The following POU2F1 variants were observed in gnomAD, a reference collection of about 807,000 sequenced individuals.
POU2F1 encodes the protein POU domain, class 2, transcription factor 1.
A neutral mutation model predicts 84.9 loss-of-function variants in POU2F1; 16 were observed. The ratio of observed to expected loss-of-function variants is 0.19; its 90% CI spans 0.13 to 0.29. The LOEUF (loss-of-function observed/expected upper bound fraction) is 0.29, where lower values mean the gene tolerates loss of function less well. Ranked by LOEUF, POU2F1 falls within the 10% of genes least tolerant of loss-of-function variation. The pLI is 1.00. For missense variants in POU2F1, 738 were observed against 942.6 expected (o/e 0.78, Z 2.84); for synonymous variants, 368 against 368.3 (o/e 1.00, Z 0.01).
chr1:167,350,416 G>A (rs188258015), intron 2 of POU2F1, among the ~76,000 whole-genome samples: 15 of 152,140 alleles, frequency 9.9e-5, no homozygotes, highest in East Asian at 3.9e-4. Flanking sequence ...CTATTTTGTC[G>A]TCTGTGTGAT....
At chr1:167,272,128 A>G (rs1269517748) in intron 1 of POU2F1, among the ~76,000 whole-genome samples, 2 of 152,202 alleles carry the variant, frequency 1.3e-5, no homozygotes, top group South Asian at 2.1e-4. Flanking sequence ...CCACAGAAAT[A>G]AAAGAATGTC....
At chr1:167,236,736 G>C (rs1649485127) in intron 1 of POU2F1, among the ~76,000 whole-genome samples, 1 of 152,196 alleles carries the variant, frequency 6.6e-6, no homozygotes, top group Non-Finnish European at 1.5e-5. Context: ...GATGGTTGCA[G>C]AGTCTGGGCA....
At chr1:167,299,364 A>G (rs1310652479) in intron 1 of POU2F1, among the ~76,000 whole-genome samples, 2 of 152,088 alleles carry the variant, frequency 1.3e-5, no homozygotes, top group Non-Finnish European at 2.9e-5. Flanking sequence ...AAAATGTATG[A>G]CTCAAACTTC....
intron 13 of POU2F1, among the ~76,000 whole-genome samples, chr1:167,408,559 A>G (rs1238625485): frequency 1.3e-5 from 2 of 152,242 alleles, no homozygotes; most frequent in East Asian, 1.9e-4. Flanking sequence ...TCGTGCTACA[A>G]TGTGGATGAA....
At chr1:167,403,323 A>T (rs1649337779) in intron 13 of POU2F1, among the ~76,000 whole-genome samples, 1 of 152,226 alleles carries the variant, frequency 6.6e-6, no homozygotes, top group Non-Finnish European at 1.5e-5. Flanking sequence ...CAGCCTTGTG[A>T]TACTCTAAGC....
chr1:167,268,556 C>T (rs915181572), intron 1 of POU2F1, among the ~76,000 whole-genome samples: 8 of 152,232 alleles, frequency 5.3e-5, no homozygotes, highest in Middle Eastern at 3.4e-3. Flanking sequence ...AAAGTGCACC[C>T]TACATGGTTT....
intron 1 of POU2F1, among the ~76,000 whole-genome samples, chr1:167,281,944 A>G (rs945588114): frequency 1.3e-5 from 2 of 151,956 alleles, no homozygotes; most frequent in Non-Finnish European, 2.9e-5. Flanking sequence ...TCCTTCACTC[A>G]GTTGCACATG....
At chr1:167,394,971 G>A (rs1231607804) in intron 9 of POU2F1, among the ~76,000 whole-genome samples, 1 of 152,194 alleles carries the variant, frequency 6.6e-6, no homozygotes, top group African/African-American at 2.4e-5. Flanking sequence ...TCAAACAAGT[G>A]TTGCCAGGAT....
chr1:167,242,592 A>G (rs1649993398), intron 1 of POU2F1, among the ~76,000 whole-genome samples: 1 of 152,218 alleles, frequency 6.6e-6, no homozygotes, highest in South Asian at 2.1e-4. Context: ...GAGAGAAGCA[A>G]ATGTATGCTT....
At chr1:167,223,467 C>G (rs1172757480) in intron 1 of POU2F1, among the ~76,000 whole-genome samples, 2 of 151,714 alleles carry the variant, frequency 1.3e-5, no homozygotes, top group Non-Finnish European at 2.9e-5. Context: ...ACTAGTGTTG[C>G]CTGTCACTGG....
intron 1 of POU2F1, among the ~76,000 whole-genome samples, chr1:167,310,513 T>C (rs4657654): frequency 0.4 from 60,681 of 151,872 alleles, 14,854 homozygotes; most frequent in East Asian, 0.71. Flanking sequence ...AAAGAGCTGT[T>C]ATAACAGTAA....
chr1:167,363,698 G>A (rs1206595844), intron 2 of POU2F1, among the ~76,000 whole-genome samples: 1 of 152,174 alleles, frequency 6.6e-6, no homozygotes, highest in Admixed American at 6.5e-5. Flanking sequence ...AAGTAGTTCT[G>A]TAGTTTTCTA....
intron 1 of POU2F1, among the ~76,000 whole-genome samples, chr1:167,266,054 T>C (rs1279475314): frequency 6.6e-6 from 1 of 152,252 alleles, no homozygotes; most frequent in African/African-American, 2.4e-5. Context: ...TGCATGCTTA[T>C]GCACAGAAAT....
At chr1:167,386,170 T>C (rs767811169) in intron 8 of POU2F1, among the ~76,000 whole-genome samples, 1 of 152,012 alleles carries the variant, frequency 6.6e-6, no homozygotes, top group Non-Finnish European at 1.5e-5. Context: ...ATACACACTT[T>C]GGAAATTATT....
At chr1:167,311,923 A>C (rs1655509244) in intron 1 of POU2F1, among the ~76,000 whole-genome samples, 1 of 150,718 alleles carries the variant, frequency 6.6e-6, no homozygotes, top group South Asian at 2.1e-4. Flanking sequence ...CTGCACACCA[A>C]GCGTGGCTAA....
intron 1 of POU2F1, among the ~76,000 whole-genome samples, chr1:167,308,013 G>A (rs1327310104): frequency 6.6e-6 from 1 of 151,926 alleles, no homozygotes; most frequent in African/African-American, 2.4e-5. Context: ...GAGTGTCATA[G>A]AGTGATGCTG....
At chr1:167,224,892 G>T (rs576013589) in intron 1 of POU2F1, among the ~76,000 whole-genome samples, 1 of 147,754 alleles carries the variant, frequency 6.8e-6, no homozygotes, top group East Asian at 2.0e-4. Context: ...GCGTTGGTGC[G>T]ATCTCGGCTC....
intron 1 of POU2F1, among the ~76,000 whole-genome samples, chr1:167,221,225 C>T (rs34595166): frequency 0.012 from 1,829 of 151,496 alleles, 14 homozygotes; most frequent in South Asian, 0.027. Context: ...CCCGCCGCCG[C>T]TCGCCGTCTG....
chr1:167,327,203 C>G (rs918540660), intron 1 of POU2F1, among the ~76,000 whole-genome samples: 1 of 152,192 alleles, frequency 6.6e-6, no homozygotes, highest in African/African-American at 2.4e-5. Flanking sequence ...GACTTGATGT[C>G]TGCCCTGGCA....
Sources: allele counts gnomAD v4.1 joint callset (sites outside exome capture counted in the v4.1 genomes callset), GRCh38; gene constraint gnomAD v4.1.1; transcripts MANE v1.5; gene names NCBI Gene and HGNC (gene_info 2026-07-23, HGNC 2026-07-21).